Variants in LINGO2 observed in about 807,000 individuals in gnomAD.
LINGO2 encodes leucine rich repeat and Ig domain containing 2, also known as leucine-rich repeat and immunoglobulin-like domain-containing nogo receptor-interacting protein 2.
Under a neutral mutation model 30.6 loss-of-function variants are expected in LINGO2, and 14 were observed. That is an observed-to-expected ratio of 0.46 (90% CI 0.30 to 0.72). LINGO2 has a LOEUF of 0.72. Among genes scored for constraint, LINGO2 ranks in the 30% least tolerant of loss-of-function variants. The pLI, the probability that LINGO2 is intolerant of heterozygous loss-of-function variation, is 0.07. For missense variants in LINGO2, 729 were observed against 751.7 expected (o/e 0.97, Z 0.35); for synonymous variants, 317 against 288.5 (o/e 1.10, Z -1.00).
At chr9:28,101,280 A>G (rs1368804364) in intron 4 of LINGO2, among the ~76,000 whole-genome samples, 1 of 152,074 alleles carries the variant, frequency 6.6e-6, no homozygotes, top group African/African-American at 2.4e-5. Context: ...AATCTTGAGT[A>G]TACAGCTCCA....
the LINGO2 span, among the ~76,000 whole-genome samples, chr9:29,201,005 T>C: frequency 6.6e-5 from 10 of 152,194 alleles, no homozygotes; most frequent in South Asian, 4.1e-4. Context: ...GGGTACGTTC[T>C]ATCACTATGA....
intron 4 of LINGO2, among the ~76,000 whole-genome samples, chr9:28,046,649 T>C (rs1824434467): frequency 1.3e-5 from 2 of 152,252 alleles, no homozygotes; most frequent in South Asian, 4.1e-4. Flanking sequence ...CATTATATTT[T>C]CCCTCCTGCT....
chr9:28,237,879 C>CA (rs1448777057), intron 4 of LINGO2, among the ~76,000 whole-genome samples: 8 of 151,610 alleles, frequency 5.3e-5, no homozygotes, highest in African/African-American at 1.2e-4. Flanking sequence ...AACAAACAAA[C>CA]AAAAAAACAC....
intron 2 of LINGO2, 113 bp from the exon 5 acceptor site, chr9:28,372,981 T>C (rs1564157585): frequency 6.7e-6 from 1 of 150,346 alleles, no homozygotes; most frequent in South Asian, 2.1e-4. Context: ...CCCATTTTTC[T>C]TGTTGACAGG....
At chr9:29,181,163 C>A in the LINGO2 span, among the ~76,000 whole-genome samples, 1 of 152,140 alleles carries the variant, frequency 6.6e-6, no homozygotes, top group South Asian at 2.1e-4. Context: ...GATTCAAATG[C>A]CAGCTCTGCC....
intron 5 of LINGO2, among the ~76,000 whole-genome samples, chr9:27,956,297 T>C (rs2118470518): frequency 6.6e-6 from 1 of 152,286 alleles, no homozygotes; most frequent in East Asian, 1.9e-4. Context: ...CTTTGCATTT[T>C]CCTCATAACT....
intron 3 of LINGO2, among the ~76,000 whole-genome samples, chr9:28,310,081 G>C (rs1054049797): frequency 6.6e-4 from 100 of 152,232 alleles, no homozygotes; most frequent in African/African-American, 2.4e-3. Flanking sequence ...CAACCATTTT[G>C]AAGAGTAGTT....
At position 28,179,827 on chromosome 9, in the gene LINGO2, G is replaced by A. The variant is rs1037977222; in HGVS notation, c.-87+115381C>T. 6.6e-5 allele frequency among the ~76,000 whole-genome samples: 10 copies of A among 151,190 alleles called. No individual in the cohort carries two copies. In the Admixed American group the frequency reaches 6.6e-4, roughly 10 times the overall value. ...TTCTCTTTCTCACTTTTTTCCTCAT[G>A]AAAAGAAAACTGTAGTTTCTGAGTG... On this transcript the variant is annotated intron_variant, in intron 4 of 5. Transcript: ENST00000379992.
intron 2 of LINGO2, among the ~76,000 whole-genome samples, chr9:28,437,853 CCAGGCA>C (rs1824016294): frequency 1.3e-5 from 2 of 152,080 alleles, no homozygotes; most frequent in Non-Finnish European, 2.9e-5. Context: ...AAAAATTCTG[CCAGGCA>C]TAATTTTTCA....
intron 4 of LINGO2, among the ~76,000 whole-genome samples, chr9:28,071,233 T>C (rs1408482321): frequency 6.6e-6 from 1 of 152,176 alleles, no homozygotes; most frequent in Non-Finnish European, 1.5e-5. Flanking sequence ...GATCCTTGGG[T>C]TGTACATTTC....
intron 5 of LINGO2, among the ~76,000 whole-genome samples, chr9:28,002,795 T>C (rs34648443): frequency 0.12 from 18,242 of 152,164 alleles, 1,224 homozygotes; most frequent in Non-Finnish European, 0.16. Flanking sequence ...TCCCCGTCAG[T>C]GGGTTTTCTC....
chr9:28,132,453 C>A (rs562531725), intron 4 of LINGO2, among the ~76,000 whole-genome samples: 1 of 152,280 alleles, frequency 6.6e-6, no homozygotes, highest in African/African-American at 2.4e-5. Context: ...CTTTCCAAGG[C>A]AAGAGGGCAG....
the LINGO2 span, among the ~76,000 whole-genome samples, chr9:28,926,975 T>C: frequency 6.6e-6 from 1 of 152,216 alleles, no homozygotes; most frequent in African/African-American, 2.4e-5. Flanking sequence ...TCTGTCCACA[T>C]AGATATTCTT....
chr9:28,723,913 G>A, the LINGO2 span, among the ~76,000 whole-genome samples: 1 of 151,878 alleles, frequency 6.6e-6, no homozygotes, highest in Non-Finnish European at 1.5e-5. Flanking sequence ...GAAAGTTTCA[G>A]ATGCAAAAAG....
chr9:28,211,287 C>CT (rs202167511), intron 4 of LINGO2, among the ~76,000 whole-genome samples: 1,735 of 140,194 alleles, frequency 0.012, 29 homozygotes, highest in East Asian at 0.054. Flanking sequence ...CTCCAAATTC[C>CT]TTTTTTTTTT....
chr9:28,051,899 TTA>T (rs1199551675), intron 4 of LINGO2, among the ~76,000 whole-genome samples: 1 of 152,036 alleles, frequency 6.6e-6, no homozygotes, highest in African/African-American at 2.4e-5. Flanking sequence ...CACAGTAGTG[TTA>T]GAGTTTCTTA....
At chr9:28,013,357 T>A (rs1346709199) in intron 4 of LINGO2, among the ~76,000 whole-genome samples, 5 of 152,172 alleles carry the variant, frequency 3.3e-5, no homozygotes, top group Non-Finnish European at 5.9e-5. Context: ...GTAATAGGAA[T>A]AGTGTGAGAA....
chr9:28,030,141 A>C (rs1823594162), intron 4 of LINGO2, among the ~76,000 whole-genome samples: 1 of 152,184 alleles, frequency 6.6e-6, no homozygotes, highest in Non-Finnish European at 1.5e-5. Context: ...AAAGCCAAAA[A>C]TTATAGGGAA....
chr9:28,345,018 T>A (rs1385774332), intron 3 of LINGO2, among the ~76,000 whole-genome samples: 1 of 152,064 alleles, frequency 6.6e-6, no homozygotes, highest in Non-Finnish European at 1.5e-5. Flanking sequence ...ACTGACTCAA[T>A]ATAAAATCTG....
Sources: gnomAD v4.1 joint callset for allele counts (sites outside exome capture counted in the v4.1 genomes callset) on GRCh38, gnomAD v4.1.1 for gene constraint, MANE v1.5 for transcripts, NCBI Gene and HGNC (gene_info 2026-07-23, HGNC 2026-07-21) for gene names.